Variants in SEC14L5 observed in about 807,000 individuals in gnomAD.
The protein encoded by SEC14L5 is SEC14 like lipid binding 5, also known as SEC14-like protein 5.
SEC14L5 carries 96 observed loss-of-function variants against 84.6 expected under a neutral mutation model. The ratio of observed to expected loss-of-function variants is 1.13; its 90% CI spans 0.96 to 1.34. The LOEUF (loss-of-function observed/expected upper bound fraction) is 1.34, where lower values mean the gene tolerates loss of function less well. Ranked by LOEUF, SEC14L5 falls within the 40% of genes most tolerant of loss-of-function variation. The pLI, the probability that SEC14L5 is intolerant of heterozygous loss-of-function variation, is 0.00. For synonymous variants in SEC14L5, 546 were observed against 383.4 expected (o/e 1.42, Z -4.95); for missense variants, 1,224 against 942.5 (o/e 1.30, Z -3.91).
At chr16:4,988,311 C>T in intron 4 of SEC14L5, 31 bp downstream of exon 4, 1 of 1,608,788 alleles carries the variant, frequency 6.2e-7, no homozygotes, top group Non-Finnish European at 8.5e-7. Context: ...GCGCCCACGC[C>T]CGGCACCCAC....
chr16:4,981,254 GGTTT>G (rs1222872532), intron 2 of SEC14L5, among the ~76,000 whole-genome samples: 6 of 110,556 alleles, frequency 5.4e-5, no homozygotes, highest in African/African-American at 2.0e-4. Context: ...CTAGCTAATT[GGTTT>G]TTTTTTTTTT....
rs1278886013 is a variant in SEC14L5, at chr16:5,017,518, A to T, written c.*2548A>T. ...GCAGCCCCAAGCCTATAATTTCAGG[A>T]TTCACACTCTAAGAGATGCTTTTCC... On this transcript the variant is annotated 3_prime_UTR_variant, in exon 16 of 16. Coordinates refer to ENST00000251170, the MANE Select transcript of SEC14L5 (RefSeq NM_014692.2). The T allele has an allele frequency of 6.6e-6, 1 of 152,208 alleles. No homozygotes were observed. The highest frequency in any genetic ancestry group is 1.5e-5 in the Non-Finnish European group (1 of 68,056). 9.4% of individuals were successfully genotyped at this position (152,208 alleles called of 1,614,324 possible). A position where few individuals can be genotyped will look rare whatever the true frequency, so the allele number is the denominator to read the frequency against.
rs202231927 is a variant in SEC14L5, at chr16:5,008,604, C to T, written c.1756C>T (p.Arg586Cys). The T allele has an allele frequency of 2.1e-5, 33 of 1,603,592 alleles. No homozygotes were observed. Among genetic ancestry groups the T allele is most frequent in the Middle Eastern group, 1.7e-4 (1 of 6,016 alleles). ...KGWVLGRDYS[R>C]VEAPLVCREG... ...CTGGGTCCTGGGCAGGGATTACAGC[C>T]GTGTGGAGGCTCCCCTTGTCTGCCG... is the stretch of plus-strand genomic sequence containing the variant. Residue 586 changes from arginine to cysteine, a missense_variant, in exon 14 of 16, where the codon CGT (arginine) becomes TGT (cysteine). Arg to Cys is a radical substitution (Grantham distance 180, BLOSUM62 -3). Transcript: ENST00000251170.
At chr16:4,980,563 T>A (rs887582507) in intron 2 of SEC14L5, among the ~76,000 whole-genome samples, 3 of 152,192 alleles carry the variant, frequency 2.0e-5, no homozygotes, top group Non-Finnish European at 4.4e-5. Context: ...GTGCGTGTTA[T>A]GTTCTTCTTT....
At position 5,000,679 on chromosome 16, in the gene SEC14L5, G is replaced by C; in HGVS notation, c.995G>C (p.Arg332Pro). The C allele has an allele frequency of 6.4e-7, 1 of 1,551,818 alleles. No individual in the cohort carries two copies. The highest frequency in any genetic ancestry group is 8.7e-7 in the Non-Finnish European group (1 of 1,147,276). ...GATGGCCGCCCCCTCTACATCCTCC[G>C]CCTGGGCCAGATGGACACCAAAGGC... ...DIDGRPLYILRLGQMDTKGLM... is the reference protein window; with the variant it reads ...DIDGRPLYILPLGQMDTKGLM... Residue 332 changes from arginine to proline, a missense_variant, in exon 9 of 16, where the codon CGC becomes CCC. Physicochemically the swap from Arg to Pro is moderately radical, Grantham distance 103. Coordinates refer to ENST00000251170, the MANE Select transcript of SEC14L5 (RefSeq NM_014692.2).
intron 14 of SEC14L5, among the ~76,000 whole-genome samples, chr16:5,010,316 A>G (rs1357066915): frequency 6.6e-6 from 1 of 151,274 alleles, no homozygotes; most frequent in African/African-American, 2.4e-5. Context: ...GTGAGCTGAG[A>G]TCATGCCATT....
chr16:4,959,706 C>A (rs900272411), intron 2 of SEC14L5, among the ~76,000 whole-genome samples: 2 of 152,190 alleles, frequency 1.3e-5, no homozygotes, highest in African/African-American at 4.8e-5. Context: ...TGGCATATCA[C>A]AGTGATAAAT....
At chr16:4,988,009 C>T in intron 3 of SEC14L5, 140 bp from the exon 4 acceptor site, 1 of 915,702 alleles carries the variant, frequency 1.1e-6, no homozygotes, top group Non-Finnish European at 1.7e-6. Flanking sequence ...TGTCCTGGGT[C>T]CGGGCTGGGT....
At chr16:4,997,660 C>A (rs997964851) in intron 8 of SEC14L5, among the ~76,000 whole-genome samples, 1 of 152,166 alleles carries the variant, frequency 6.6e-6, no homozygotes, top group African/African-American at 2.4e-5. Context: ...TTGGCACAAT[C>A]TTGGTGGCTT....
At chr16:4,958,650 G>C (rs914046247) in intron 1 of SEC14L5, among the ~76,000 whole-genome samples, 1 of 152,186 alleles carries the variant, frequency 6.6e-6, no homozygotes, top group Non-Finnish European at 1.5e-5. Context: ...GTGTGTGTGC[G>C]TGTGTGCACG....
At chr16:5,012,309 C>T (rs549947275) in intron 15 of SEC14L5, among the ~76,000 whole-genome samples, 26 of 152,102 alleles carry the variant, frequency 1.7e-4, no homozygotes, top group Admixed American at 2.6e-4. Flanking sequence ...ATTCTGAGGC[C>T]GGGCATGTGG....
chr16:5,011,036 C>T, intron 14 of SEC14L5, 59 bp from the exon 15 acceptor site: 3 of 1,495,822 alleles, frequency 2.0e-6, no homozygotes, highest in Non-Finnish European at 1.8e-6. Context: ...GAAGGCTCAG[C>T]CTCCTTGACC....
At position 5,003,543 on chromosome 16, in the gene SEC14L5, C is replaced by A. The variant is rs1177866457; in HGVS notation, c.1272C>A (p.Ala424=). The change falls in exon 11 of 16, where the codon GCC becomes GCA. Residue 424 remains alanine, a synonymous_variant. Coordinates refer to ENST00000251170, the MANE Select transcript of SEC14L5 (RefSeq NM_014692.2). ...TGGGTCGGCTGCTCATCGTGCGAGC[C>A]CCCCGAGTCTTCCCCGTGCTCTGGA... is the stretch of plus-strand genomic sequence containing the variant. ...ETLGRLLIVR[A]PRVFPVLWTL... 1 of 1,611,656 alleles carries A rather than the reference C, an allele frequency of 6.2e-7. No individual in the cohort carries two copies. Among genetic ancestry groups the A allele is most frequent in the Admixed American group, 1.7e-5 (1 of 59,888 alleles).
Position 5,015,206 on chromosome 16 carries a change from G to C in SEC14L5, c.*236G>C, listed in dbSNP as rs1955861279. 9.3e-6 allele frequency: 5 copies of C among 538,196 alleles called. No homozygotes were observed. Among genetic ancestry groups the C allele is most frequent in the African/African-American group, 1.9e-5 (1 of 52,918 alleles). The allele number at this position is 538,196 out of a possible 1,614,324, so 33.3% of individuals were successfully genotyped here. On this transcript the variant is annotated 3_prime_UTR_variant, in exon 16 of 16. Coordinates refer to ENST00000251170, the MANE Select transcript of SEC14L5 (RefSeq NM_014692.2). ...TCTCCTTCCGGCTTCGTGTAAGGAA[G>C]ACCAAGCCAAGGCCAAGGTGTCTAC...
intron 13 of SEC14L5, 73 bp from the exon 14 acceptor site, chr16:5,008,348 C>T (rs372236139): frequency 8.0e-6 from 9 of 1,118,092 alleles, no homozygotes; most frequent in South Asian, 5.3e-5. Context: ...CACAGCCCCT[C>T]CTGCCACTGT....
chr16:4,979,466 G>A (rs1429709675), intron 2 of SEC14L5, among the ~76,000 whole-genome samples: 1 of 152,224 alleles, frequency 6.6e-6, no homozygotes, highest in Non-Finnish European at 1.5e-5. Context: ...ACGGTATGCA[G>A]TGAGCCCAGT....
In SEC14L5 at chr16:5,007,475, GC is replaced by G. The variant is rs1436486827; in HGVS notation, c.1567del (p.His523ThrfsTer51). On this transcript the variant is annotated frameshift_variant, in exon 13 of 16. Transcript: ENST00000251170. LOFTEE classifies it high-confidence loss of function. ...TYHSASVLRG[A>X]PHEVAVEILE... Reference sequence around the variant, plus strand: ...CCATTCAGCCAGCGTGCTCCGCGGAGCCCCCCACGAGGTGCCAGGGCCTGGC... The same window carrying G: ...CCATTCAGCCAGCGTGCTCCGCGGAGCCCCCACGAGGTGCCAGGGCCTGGC... 3 of 1,613,326 alleles carry G rather than the reference GC, an allele frequency of 1.9e-6. No individual in the cohort carries two copies. Among genetic ancestry groups the G allele is most frequent in the East Asian group, 2.2e-5 (1 of 44,884 alleles).
At chr16:4,988,967 A>C (rs554118742) in intron 4 of SEC14L5, among the ~76,000 whole-genome samples, 1 of 152,304 alleles carries the variant, frequency 6.6e-6, no homozygotes, top group East Asian at 1.9e-4. Context: ...GATGTGTGGG[A>C]GTCAGAGAAG....
At chr16:4,983,899 A>C (rs1349165921) in intron 2 of SEC14L5, among the ~76,000 whole-genome samples, 2 of 139,968 alleles carry the variant, frequency 1.4e-5, no homozygotes, top group Non-Finnish European at 3.2e-5. Context: ...TAAATAAATA[A>C]ATAAATAAAT....
Sources: allele counts gnomAD v4.1 joint callset (sites outside exome capture counted in the v4.1 genomes callset), GRCh38; gene constraint gnomAD v4.1.1; transcripts MANE v1.5; gene names NCBI Gene and HGNC (gene_info 2026-07-23, HGNC 2026-07-21).